GPC5: variants seen among roughly 807,000 people sequenced by gnomAD.
The protein encoded by GPC5 is glypican 5, also known as glypican-5.
A neutral mutation model predicts 53.9 loss-of-function variants in GPC5; 47 were observed. The observed-to-expected ratio is 0.87, with a 90% CI of 0.69 to 1.11. The LOEUF (loss-of-function observed/expected upper bound fraction) is 1.11, where lower values mean the gene tolerates loss of function less well. Among genes scored for constraint, GPC5 ranks in the 50% most tolerant of loss-of-function variants. The pLI is 0.00. For synonymous variants in GPC5, 286 were observed against 263.3 expected (o/e 1.09, Z -0.84); for missense variants, 748 against 713.1 (o/e 1.05, Z -0.56).
At chr13:92,581,462 T>C (rs1332454990) in intron 7 of GPC5, among the ~76,000 whole-genome samples, 1 of 152,204 alleles carries the variant, frequency 6.6e-6, no homozygotes, top group African/African-American at 2.4e-5. Flanking sequence ...TCTTTATCCA[T>C]TCATCCATTG....
chr13:91,681,661 C>T (rs1156865841), intron 2 of GPC5, among the ~76,000 whole-genome samples: 1 of 152,054 alleles, frequency 6.6e-6, no homozygotes, highest in Non-Finnish European at 1.5e-5. Context: ...TTATTTTTTT[C>T]TCCACAGTGT....
chr13:91,928,814 G>A (rs1013821791), intron 6 of GPC5, among the ~76,000 whole-genome samples: 1 of 152,052 alleles, frequency 6.6e-6, no homozygotes, highest in Non-Finnish European at 1.5e-5. Flanking sequence ...TAAGGTAGAC[G>A]TAAAGACATT....
At chr13:92,021,819 T>C (rs924490840) in intron 6 of GPC5, among the ~76,000 whole-genome samples, 1 of 152,174 alleles carries the variant, frequency 6.6e-6, no homozygotes, top group Non-Finnish European at 1.5e-5. Flanking sequence ...TGCCAATCCA[T>C]TTAGAAATTT....
chr13:92,623,017 A>C (rs1256738278), intron 7 of GPC5, among the ~76,000 whole-genome samples: 1 of 152,102 alleles, frequency 6.6e-6, no homozygotes, highest in Non-Finnish European at 1.5e-5. Flanking sequence ...GATAACAGAA[A>C]AGTAAAAAGT....
chr13:91,603,346 C>A (rs1296372250), intron 2 of GPC5, among the ~76,000 whole-genome samples: 1 of 152,224 alleles, frequency 6.6e-6, no homozygotes, highest in African/African-American at 2.4e-5. Flanking sequence ...CAGTCATAAG[C>A]AACAATGCTG....
At chr13:91,424,519 C>T (rs1173409335) in intron 1 of GPC5, among the ~76,000 whole-genome samples, 1 of 151,990 alleles carries the variant, frequency 6.6e-6, no homozygotes, top group Non-Finnish European at 1.5e-5. Flanking sequence ...CATGTACCAC[C>T]ACGCCCAGCT....
At chr13:92,137,252 G>A (rs1193692692) in intron 6 of GPC5, among the ~76,000 whole-genome samples, 1 of 152,196 alleles carries the variant, frequency 6.6e-6, no homozygotes, top group Non-Finnish European at 1.5e-5. Flanking sequence ...TTAATGTGTG[G>A]CTGGAATTCA....
At chr13:91,463,404 G>A (rs2060205432) in intron 2 of GPC5, among the ~76,000 whole-genome samples, 1 of 152,028 alleles carries the variant, frequency 6.6e-6, no homozygotes, top group African/African-American at 2.4e-5. Context: ...TTTTTAAGGA[G>A]ACTATAAAGA....
intron 7 of GPC5, among the ~76,000 whole-genome samples, chr13:92,410,430 A>AT (rs1222792240): frequency 6.6e-6 from 1 of 152,232 alleles, no homozygotes; most frequent in African/African-American, 2.4e-5. Flanking sequence ...TGACTCAGGT[A>AT]TTTTTATCCT....
At chr13:92,758,711 G>A (rs9556210) in intron 7 of GPC5, among the ~76,000 whole-genome samples, 52,463 of 151,746 alleles carry the variant, frequency 0.35, 10,596 homozygotes, top group East Asian at 0.75. Context: ...TTAAGTTATG[G>A]TTTTCTCCTT....
chr13:92,665,031 C>A (rs1298686457), intron 7 of GPC5, among the ~76,000 whole-genome samples: 1 of 152,060 alleles, frequency 6.6e-6, no homozygotes, highest in African/African-American at 2.4e-5. Context: ...CAGTAGAAAT[C>A]GAGTTTGTAG....
chr13:92,077,404 G>T (rs1266397314), intron 6 of GPC5, among the ~76,000 whole-genome samples: 1 of 152,144 alleles, frequency 6.6e-6, no homozygotes, highest in Non-Finnish European at 1.5e-5. Context: ...TGTCAGCCTT[G>T]TACTTACAGA....
chr13:92,778,592 C>G (rs546970178), intron 7 of GPC5, among the ~76,000 whole-genome samples: 50 of 152,268 alleles, frequency 3.3e-4, no homozygotes, highest in Middle Eastern at 3.4e-3. Context: ...TCCAATGCCA[C>G]CTCACTAAGG....
At chr13:91,820,815 T>C (rs1283646426) in intron 5 of GPC5, among the ~76,000 whole-genome samples, 1 of 151,806 alleles carries the variant, frequency 6.6e-6, no homozygotes, top group Non-Finnish European at 1.5e-5. Flanking sequence ...TACAAAAAAT[T>C]AGCCGGGCGT....
intron 7 of GPC5, among the ~76,000 whole-genome samples, chr13:92,544,864 G>T (rs1199202277): frequency 6.6e-6 from 1 of 151,688 alleles, no homozygotes; most frequent in Non-Finnish European, 1.5e-5. Context: ...GTGAATGAAG[G>T]GGGTAAAGTT....
chr13:92,525,289 A>G (rs376580608), intron 7 of GPC5, among the ~76,000 whole-genome samples: 12 of 152,226 alleles, frequency 7.9e-5, no homozygotes, highest in African/African-American at 2.9e-4. Context: ...GCTGTTTATC[A>G]TAGTACTCTG....
chr13:91,921,448 A>G (rs2039713373), intron 6 of GPC5, among the ~76,000 whole-genome samples: 1 of 152,196 alleles, frequency 6.6e-6, no homozygotes, highest in Non-Finnish European at 1.5e-5. Flanking sequence ...AGCATTTGAC[A>G]GATCTGCTAG....
chr13:92,081,456 T>G (rs959648482), intron 6 of GPC5, among the ~76,000 whole-genome samples: 4 of 152,160 alleles, frequency 2.6e-5, no homozygotes, highest in African/African-American at 9.7e-5. Flanking sequence ...TAATAACTGT[T>G]GAATAATGAT....
chr13:92,850,161 A>C (rs1168604878), intron 7 of GPC5, among the ~76,000 whole-genome samples: 1 of 152,206 alleles, frequency 6.6e-6, no homozygotes, highest in East Asian at 1.9e-4. Flanking sequence ...GAGGAATTGG[A>C]AGAAGAGATA....
Sources: gnomAD v4.1 joint callset for allele counts (sites outside exome capture counted in the v4.1 genomes callset) on GRCh38, gnomAD v4.1.1 for gene constraint, MANE v1.5 for transcripts, NCBI Gene and HGNC (gene_info 2026-07-23, HGNC 2026-07-21) for gene names.